ST6GALNAC3: variants seen among roughly 807,000 people sequenced by gnomAD.
ST6GALNAC3 encodes alpha-N-acetylgalactosaminide alpha-2,6-sialyltransferase 3.
Under a neutral mutation model 32.7 loss-of-function variants are expected in ST6GALNAC3, and 25 were observed. That is an observed-to-expected ratio of 0.76 (90% CI 0.56 to 1.07). The LOEUF (loss-of-function observed/expected upper bound fraction) is 1.07, where lower values mean the gene tolerates loss of function less well. Ranked by LOEUF, ST6GALNAC3 falls within the 50% of genes least tolerant of loss-of-function variation. The pLI is 0.00. For synonymous variants in ST6GALNAC3, 129 were observed against 133.1 expected, an observed-to-expected ratio of 0.97 and a Z score of 0.21; for missense variants, 355 against 382.4, an observed-to-expected ratio of 0.93 and a Z score of 0.60.
At chr1:76,415,246 C>CT (rs1557868074) in intron 3 of ST6GALNAC3, among the ~76,000 whole-genome samples, 1 of 120,604 alleles carries the variant, frequency 8.3e-6, no homozygotes, top group East Asian at 2.6e-4. Context: ...CTAGTTTTCT[C>CT]TTTTTTTAAT....
intron 1 of ST6GALNAC3, among the ~76,000 whole-genome samples, chr1:76,234,747 A>G (rs577610216): frequency 5.3e-5 from 8 of 152,338 alleles, no homozygotes; most frequent in African/African-American, 1.9e-4. Context: ...TGGAATAGTC[A>G]ATCTCAGCTT....
chr1:76,213,961 G>T (rs1279992875), intron 1 of ST6GALNAC3, among the ~76,000 whole-genome samples: 2 of 152,166 alleles, frequency 1.3e-5, no homozygotes, highest in Non-Finnish European at 2.9e-5. Context: ...TGGGCCACCT[G>T]CATCTCAGAA....
Position 76,630,136 on chromosome 1 carries a change from G to C in ST6GALNAC3, c.*1330G>C, listed in dbSNP as rs1649217231. 1.0e-6 allele frequency: 1 copy of C among 984,992 alleles called. No individual in the cohort carries two copies. Among genetic ancestry groups the C allele is most frequent in the South Asian group, 4.7e-5 (1 of 21,284 alleles). 61.0% of individuals were successfully genotyped at this position (984,992 alleles called of 1,614,324 possible). On this transcript the variant is annotated 3_prime_UTR_variant, in exon 5 of 5. Coordinates refer to ENST00000328299, the MANE Select transcript of ST6GALNAC3 (RefSeq NM_152996.4). ...TGATCTGTAATTTGGTCATTGTTCTGTTATATTCCAGATTGCTCTACTTGC... is the reference window on the plus strand; with the variant it reads ...TGATCTGTAATTTGGTCATTGTTCTCTTATATTCCAGATTGCTCTACTTGC...
At chr1:76,214,858 G>A (rs1462248005) in intron 1 of ST6GALNAC3, among the ~76,000 whole-genome samples, 1 of 152,192 alleles carries the variant, frequency 6.6e-6, no homozygotes, top group African/African-American at 2.4e-5. Flanking sequence ...AGCTGACGAA[G>A]AGAGCATGAG....
chr1:76,514,599 C>T (rs555656634), intron 3 of ST6GALNAC3, among the ~76,000 whole-genome samples: 1 of 152,176 alleles, frequency 6.6e-6, no homozygotes, highest in East Asian at 1.9e-4. Flanking sequence ...GCCAGGATGC[C>T]CCTCAGGATT....
intron 1 of ST6GALNAC3, among the ~76,000 whole-genome samples, chr1:76,313,263 C>A (rs1260625393): frequency 1.3e-5 from 2 of 151,902 alleles, no homozygotes; most frequent in Non-Finnish European, 2.9e-5. Context: ...TGTAAGGTAC[C>A]ATGTTAAGAG....
chr1:76,114,799 A>G (rs1648342950), intron 1 of ST6GALNAC3, among the ~76,000 whole-genome samples: 1 of 151,992 alleles, frequency 6.6e-6, no homozygotes. Flanking sequence ...CATGCCTGTG[A>G]TCACAGCTAC....
At chr1:76,244,129 G>A (rs994315836) in intron 1 of ST6GALNAC3, among the ~76,000 whole-genome samples, 5 of 152,050 alleles carry the variant, frequency 3.3e-5, no homozygotes, top group African/African-American at 1.2e-4. Flanking sequence ...TCTTTGAGCA[G>A]TGGTTTGTAG....
At chr1:76,318,114 A>AT (rs1646901122) in intron 2 of ST6GALNAC3, among the ~76,000 whole-genome samples, 1 of 128,830 alleles carries the variant, frequency 7.8e-6, no homozygotes, top group Non-Finnish European at 1.9e-5. Flanking sequence ...AAAAATTAAA[A>AT]TAAAAGGAAC....
chr1:76,385,501 A>G (rs2101129291), intron 2 of ST6GALNAC3, among the ~76,000 whole-genome samples: 1 of 152,224 alleles, frequency 6.6e-6, no homozygotes, highest in East Asian at 1.9e-4. Context: ...CTTCACTGTA[A>G]TGTAGAGGTA....
intron 1 of ST6GALNAC3, among the ~76,000 whole-genome samples, chr1:76,279,488 C>T (rs564743825): frequency 2.0e-5 from 3 of 152,258 alleles, no homozygotes; most frequent in African/African-American, 7.2e-5. Flanking sequence ...TCCAGAGCTT[C>T]GCGGGTGGGG....
At chr1:76,263,779 T>A (rs1307654524) in intron 1 of ST6GALNAC3, among the ~76,000 whole-genome samples, 1 of 152,210 alleles carries the variant, frequency 6.6e-6, no homozygotes, top group Non-Finnish European at 1.5e-5. Context: ...TTTGTTAGAA[T>A]CACTTATTAA....
At chr1:76,628,473 T>C (rs1196926735) in intron 4 of ST6GALNAC3, 147 bp from the exon 5 acceptor site, 21 of 747,992 alleles carry the variant, frequency 2.8e-5, no homozygotes, top group South Asian at 4.9e-5. Flanking sequence ...TTCATACATA[T>C]AATAGCTTTT....
chr1:76,625,612 A>T (rs1392796840), intron 3 of ST6GALNAC3, among the ~76,000 whole-genome samples: 1 of 151,892 alleles, frequency 6.6e-6, no homozygotes, highest in Non-Finnish European at 1.5e-5. Context: ...CTCATTTTCA[A>T]ATAAGGGCTT....
chr1:76,212,275 C>A (rs937667546), intron 1 of ST6GALNAC3, among the ~76,000 whole-genome samples: 1 of 152,078 alleles, frequency 6.6e-6, no homozygotes, highest in Non-Finnish European at 1.5e-5. Context: ...GGAAACTGCT[C>A]CCCTATGTTA....
intron 1 of ST6GALNAC3, among the ~76,000 whole-genome samples, chr1:76,280,654 G>T (rs1659445072): frequency 6.6e-6 from 1 of 152,100 alleles, no homozygotes; most frequent in South Asian, 2.1e-4. Flanking sequence ...ATGAAATAAT[G>T]GGCATAGAAT....
chr1:76,618,524 T>C (rs1248805480), intron 3 of ST6GALNAC3, among the ~76,000 whole-genome samples: 1 of 152,190 alleles, frequency 6.6e-6, no homozygotes, highest in African/African-American at 2.4e-5. Context: ...CAATTATCAA[T>C]CGAAAAATAT....
rs141363573 is a variant in ST6GALNAC3 at position 76,630,433 on chromosome 1, A to G, written c.*1627A>G. ...AGTTTCCTTTCCTAGGATTGAGACA[A>G]TTCTATTTTTCATATACTCGTTGCT... On this transcript the variant is annotated 3_prime_UTR_variant, in exon 5 of 5. Coordinates refer to ENST00000328299, the MANE Select transcript of ST6GALNAC3 (RefSeq NM_152996.4). 1.9e-5 allele frequency: 19 copies of G among 985,228 alleles called. No individual in the cohort carries two copies. The East Asian group carries it at 1.8e-3, about 94-fold the overall frequency. 61.0% of individuals were successfully genotyped at this position (985,228 alleles called of 1,614,324 possible).
rs140357573 is a variant in ST6GALNAC3, at chr1:76,186,816, G to A, written c.18+111932G>A. Among the ~76,000 whole-genome samples the A allele has an allele frequency of 2.1e-4, 32 of 152,134 alleles. No individual in the cohort carries two copies. The East Asian group carries it at 5.8e-3, about 28-fold the overall frequency. On this transcript the variant is annotated intron_variant, in intron 1 of 4. Transcript: ENST00000328299. Reference sequence around the variant, plus strand: ...CTTGTACATGGCACCTCCATTCTACGGCAGTTTTTAGAGTTCCCTGAGGAT... The same window carrying A: ...CTTGTACATGGCACCTCCATTCTACAGCAGTTTTTAGAGTTCCCTGAGGAT...
Sources: gnomAD v4.1 joint callset for allele counts (sites outside exome capture counted in the v4.1 genomes callset) on GRCh38, gnomAD v4.1.1 for gene constraint, MANE v1.5 for transcripts, NCBI Gene and HGNC (gene_info 2026-07-23, HGNC 2026-07-21) for gene names.